Variants in MAU2 observed in about 807,000 individuals in gnomAD.
The protein encoded by MAU2 is MAU2 chromatid cohesion factor homolog.
MAU2 carries 9 observed loss-of-function variants against 89.1 expected under a neutral mutation model. That is an observed-to-expected ratio of 0.10 (90% CI 0.06 to 0.18). The LOEUF is 0.18. Ranked by LOEUF, MAU2 falls within the 10% of genes least tolerant of loss-of-function variation. MAU2 has a pLI of 1.00. For missense variants in MAU2, 425 were observed against 803.5 expected, an observed-to-expected ratio of 0.53 and a Z score of 5.69; for synonymous variants, 357 against 343.4, an observed-to-expected ratio of 1.04 and a Z score of -0.44.
intron 1 of MAU2, chr19:19,334,137 T>G: frequency 1.0e-6 from 1 of 983,270 alleles, no homozygotes; most frequent in Non-Finnish European, 1.2e-6. Flanking sequence ...TCTGCTCTTC[T>G]GTTGCATCAC....
chr19:19,348,745 C>T (rs10421505), intron 13 of MAU2, 144 bp from the exon 14 acceptor site: 193,255 of 870,054 alleles, frequency 0.22, 25,579 homozygotes, highest in African/African-American at 0.44. Flanking sequence ...CCAGAGGCTG[C>T]TCTTGCTGGT....
intron 1 of MAU2, among the ~76,000 whole-genome samples, chr19:19,325,968 T>G (rs553097609): frequency 8.2e-4 from 124 of 152,042 alleles, no homozygotes; most frequent in African/African-American, 2.8e-3. Flanking sequence ...TTTATCTGCT[T>G]CTGTCAGTTT....
At chr19:19,335,672 C>T in intron 1 of MAU2, 46 bp from the exon 2 acceptor site, 1 of 1,609,034 alleles carries the variant, frequency 6.2e-7, no homozygotes, top group Non-Finnish European at 8.5e-7. Context: ...TAACCAGGTG[C>T]CAGGTGTTTG....
rs2048173734 is a variant in MAU2, at chr19:19,355,965, A to G, written c.*183A>G. 2 of 700,506 alleles carry G rather than the reference A, an allele frequency of 2.9e-6. No individual in the cohort carries two copies. The highest frequency in any genetic ancestry group is 4.0e-5 in the Admixed American group (2 of 49,640). 43.4% of individuals were successfully genotyped at this position (700,506 alleles called of 1,614,324 possible). ...GGGGTGGTAGCCGTTCCCACCTCGC[A>G]GCAGGACCCCCAGTGCAGAGGCTCA... On this transcript the variant is annotated 3_prime_UTR_variant, in exon 19 of 19. Transcript: ENST00000262815.
chr19:19,326,706 A>ATATATATATACACACATATATATGTG (rs1555792839), intron 1 of MAU2, among the ~76,000 whole-genome samples: 3 of 87,010 alleles, frequency 3.4e-5, no homozygotes, highest in Admixed American at 1.3e-4. Context: ...ATATATGTAT[A>ATATATATATACACACATATATATGTG]TATATATATA....
chr19:19,340,164 C>CAAAA (rs1253222446), intron 5 of MAU2, among the ~76,000 whole-genome samples: 1 of 83,978 alleles, frequency 1.2e-5, no homozygotes, highest in Non-Finnish European at 2.4e-5. Flanking sequence ...GACTCCATCT[C>CAAAA]AAAAAAAAAA....
intron 5 of MAU2, chr19:19,339,618 C>G (rs1344040680): frequency 2.0e-5 from 3 of 151,646 alleles, no homozygotes; most frequent in Non-Finnish European, 4.4e-5. Context: ...AACTTCTGAC[C>G]TCAAGTGATC....
intron 16 of MAU2, among the ~76,000 whole-genome samples, chr19:19,349,986 T>A (rs2061728958): frequency 6.6e-6 from 1 of 150,700 alleles, no homozygotes; most frequent in Admixed American, 6.6e-5. Context: ...TTTTTTTTTT[T>A]TTTTTTTTTT....
rs2061660731 is a variant in MAU2, at chr19:19,342,691, C to A, written c.882+10C>A. 6.2e-7 allele frequency: 1 copy of A among 1,613,110 alleles called. No individual in the cohort carries two copies. Among genetic ancestry groups the A allele is most frequent in the Non-Finnish European group, 8.5e-7 (1 of 1,179,658 alleles). On this transcript the variant is annotated intron_variant, in intron 8 of 18. Transcript: ENST00000262815. ...TGTGCTTGTCTACCTGGTGCGTCCCCACCAGGGCCCGGGCCAGGGCTGGGG... is the reference window on the plus strand; with the variant it reads ...TGTGCTTGTCTACCTGGTGCGTCCCAACCAGGGCCCGGGCCAGGGCTGGGG...
At chr19:19,330,420 C>A (rs1417901628) in intron 1 of MAU2, among the ~76,000 whole-genome samples, 1 of 150,402 alleles carries the variant, frequency 6.6e-6, no homozygotes, top group Non-Finnish European at 1.5e-5. Flanking sequence ...GATAGCGAGA[C>A]CCCCATCTCT....
chr19:19,342,545 T>G lies in MAU2; in HGVS notation c.746T>G (p.Val249Gly). ...HYLDAGQVKS[V>G]KPCLKQLQQC... ...GTGGGTGCTGCACAGGTGAAGAGCG[T>G]GAAGCCGTGTCTGAAGCAGCTGCAG... Residue 249 changes from valine to glycine, a missense_variant, in exon 8 of 19, where the codon GTG (valine) becomes GGG (glycine). This residue lies in a region of MAU2 where 119 missense variants were observed against 299.8 expected (regional missense o/e 0.40). Transcript: ENST00000262815. 1 of 1,591,690 alleles carries G rather than the reference T, an allele frequency of 6.3e-7. No homozygotes were observed. The highest frequency in any genetic ancestry group is 8.6e-7 in the Non-Finnish European group (1 of 1,168,424).
intron 1 of MAU2, among the ~76,000 whole-genome samples, chr19:19,330,676 G>A (rs976792603): frequency 3.9e-5 from 6 of 152,066 alleles, no homozygotes; most frequent in African/African-American, 1.4e-4. Context: ...GGAGCCGGAG[G>A]GTGCCATGAG....
At chr19:19,342,411 G>T (rs977840884) in intron 7 of MAU2, 124 bp from the exon 8 acceptor site, 68 of 1,236,698 alleles carry the variant, frequency 5.5e-5, no homozygotes, top group Non-Finnish European at 7.3e-5. Context: ...CATCTTGCAG[G>T]AGGTGGCCCT....
intron 10 of MAU2, chr19:19,344,588 C>T: frequency 3.6e-6 from 2 of 555,650 alleles, no homozygotes; most frequent in South Asian, 2.2e-5. Flanking sequence ...CATGGGGGCC[C>T]TCAGTAGGCT....
At chr19:19,331,278 T>A (rs925208711) in intron 1 of MAU2, among the ~76,000 whole-genome samples, 13 of 151,614 alleles carry the variant, frequency 8.6e-5, no homozygotes, top group Non-Finnish European at 1.9e-4. Context: ...GGCAGGCAGA[T>A]AACAAGGTCA....
At position 19,355,786 on chromosome 19, in the gene MAU2, C is replaced by G. The variant is rs754101700; in HGVS notation, c.*4C>G. The G allele has an allele frequency of 4.4e-5, 71 of 1,605,486 alleles. No individual in the cohort carries two copies. Among genetic ancestry groups the G allele is most frequent in the Non-Finnish European group, 5.6e-5 (66 of 1,179,728 alleles). ...CAGCCTGGCCAGCCTCCTGTGAGGC[C>G]TTGATGGGGCCATCCAGCTCCGCAG... On this transcript the variant is annotated 3_prime_UTR_variant, in exon 19 of 19. Transcript: ENST00000262815.
chr19:19,325,469 C>T (rs2061496569), intron 1 of MAU2, among the ~76,000 whole-genome samples: 2 of 151,996 alleles, frequency 1.3e-5, no homozygotes, highest in South Asian at 4.1e-4. Flanking sequence ...AGCCACCACA[C>T]CCAGCCTATT....
rs1027410312 is a variant in MAU2, at chr19:19,345,637, T to C, written c.1221+268T>C. Among the ~76,000 whole-genome samples, 10 of 152,154 alleles carry C rather than the reference T, an allele frequency of 6.6e-5. No homozygotes were observed. Among genetic ancestry groups the C allele is most frequent in the African/African-American group, 2.2e-4 (9 of 41,412 alleles). ...TGCGACGCGTCCGGGGACACCACTT[T>C]CATGCCTGAGTGGGAACTTTTGCGG... On this transcript the variant is annotated intron_variant, in intron 12 of 18. Transcript: ENST00000262815. The surrounding 1 kb of genome is among the most constrained non-coding windows in gnomAD (Gnocchi z 4.9).
Position 19,342,531 on chromosome 19 carries a change from A to C in MAU2, c.736-4A>C. 6.4e-7 allele frequency: 1 copy of C among 1,571,970 alleles called. No homozygotes were observed. The highest frequency in any genetic ancestry group is 8.6e-7 in the Non-Finnish European group (1 of 1,157,798). Reference sequence around the variant, plus strand: ...GTGGATGCTCGGGTGTGGGTGCTGCACAGGTGAAGAGCGTGAAGCCGTGTC... The same window carrying C: ...GTGGATGCTCGGGTGTGGGTGCTGCCCAGGTGAAGAGCGTGAAGCCGTGTC... On this transcript the variant is annotated splice_polypyrimidine_tract_variant and splice_region_variant and intron_variant, in intron 7 of 18. Transcript: ENST00000262815.
Sources: gnomAD v4.1 joint callset for allele counts (sites outside exome capture counted in the v4.1 genomes callset) on GRCh38, gnomAD v4.1.1 for gene constraint, gnomAD v4.1.1 regional missense constraint, Gnocchi (gnomAD v3.1) non-coding constraint, MANE v1.5 for transcripts, NCBI Gene and HGNC (gene_info 2026-07-23, HGNC 2026-07-21) for gene names.